Variants in SCAPER observed in about 807,000 individuals in gnomAD.
The protein encoded by SCAPER is S phase cyclin A-associated protein in the endoplasmic reticulum.
Under a neutral mutation model 182.2 loss-of-function variants are expected in SCAPER, and 98 were observed. The ratio of observed to expected loss-of-function variants is 0.54; its 90% CI spans 0.46 to 0.64. The LOEUF (loss-of-function observed/expected upper bound fraction) is 0.64. Among genes scored for constraint, SCAPER ranks in the 30% least tolerant of loss-of-function variants. SCAPER has a pLI of 0.00. For synonymous variants in SCAPER, 605 were observed against 564.6 expected, an observed-to-expected ratio of 1.07 and a Z score of -1.01; for missense variants, 1,432 against 1,690.0, an observed-to-expected ratio of 0.85 and a Z score of 2.68.
At chr15:76,572,391 T>C (rs1235376941) in intron 23 of SCAPER, among the ~76,000 whole-genome samples, 2 of 152,216 alleles carry the variant, frequency 1.3e-5, no homozygotes, top group Non-Finnish European at 2.9e-5. Flanking sequence ...TTCTAGCAAA[T>C]GTGTGACAAG....
chr15:76,373,439 G>GA (rs957915425), intron 29 of SCAPER, among the ~76,000 whole-genome samples: 9 of 150,568 alleles, frequency 6.0e-5, no homozygotes, highest in East Asian at 1.9e-4. Context: ...TGCACATGAA[G>GA]AAAAAAAAAA....
chr15:76,476,178 G>A (rs748875702), intron 24 of SCAPER, among the ~76,000 whole-genome samples: 4 of 152,098 alleles, frequency 2.6e-5, no homozygotes, highest in African/African-American at 4.8e-5. Flanking sequence ...CAGCTTCCTG[G>A]GCATCAAAAA....
rs1412726061 is a variant in SCAPER at position 76,597,527 on chromosome 15, G to A, written c.2712-23243C>T. On this transcript the variant is annotated intron_variant, in intron 22 of 31. Coordinates refer to ENST00000563290, the MANE Select transcript of SCAPER (RefSeq NM_020843.4). ...CCTAAGCAAAAAGAACAAAGCTGGA[G>A]GCATCACACTACCTGACTTCAAACT... is the stretch of plus-strand genomic sequence containing the variant. 1.7e-5 allele frequency among the ~76,000 whole-genome samples: 2 copies of A among 121,002 alleles called. 1 individual carries two copies. The highest frequency in any genetic ancestry group is 1.9e-4 in the Admixed American group (2 of 10,628). The allele number at this position is 121,002 out of a possible 152,430, so 79.4% of individuals were successfully genotyped here. A position where few individuals can be genotyped will look rare whatever the true frequency, so the allele number is the denominator to read the frequency against.
intron 4 of SCAPER, among the ~76,000 whole-genome samples, chr15:76,854,982 A>C (rs1052196859): frequency 2.0e-5 from 3 of 149,414 alleles, no homozygotes; most frequent in Non-Finnish European, 4.5e-5. Context: ...AAAAAAAAAT[A>C]CAAAAAACAA....
chr15:76,470,204 T>G (rs1211245009), intron 25 of SCAPER, among the ~76,000 whole-genome samples: 1 of 152,208 alleles, frequency 6.6e-6, no homozygotes, highest in Admixed American at 6.5e-5. Flanking sequence ...CCAGGTCCTA[T>G]GTTAGAATCT....
At chr15:76,411,710 T>C (rs947979549) in intron 26 of SCAPER, among the ~76,000 whole-genome samples, 2 of 152,170 alleles carry the variant, frequency 1.3e-5, no homozygotes, top group Non-Finnish European at 2.9e-5. Flanking sequence ...TTCTTCAAAG[T>C]GGTCATTTCA....
intron 26 of SCAPER, among the ~76,000 whole-genome samples, chr15:76,423,217 T>C (rs1314114501): frequency 6.6e-6 from 1 of 152,272 alleles, no homozygotes; most frequent in Non-Finnish European, 1.5e-5. Context: ...CTTGTACCTC[T>C]GGTAGAATTC....
intron 23 of SCAPER, among the ~76,000 whole-genome samples, chr15:76,540,957 A>T (rs992215252): frequency 6.6e-6 from 1 of 151,718 alleles, no homozygotes; most frequent in Admixed American, 6.6e-5. Context: ...CCCATCTCTA[A>T]TAAAAATACA....
At chr15:76,613,889 C>A (rs933943976) in intron 22 of SCAPER, among the ~76,000 whole-genome samples, 4 of 152,142 alleles carry the variant, frequency 2.6e-5, no homozygotes, top group Non-Finnish European at 5.9e-5. Context: ...TACCATTCAA[C>A]CCAGCAATCC....
chr15:76,793,129 T>C (rs1466912198), intron 8 of SCAPER: 4 of 685,334 alleles, frequency 5.8e-6, no homozygotes, highest in Admixed American at 3.5e-5. Context: ...ATTAAATGCA[T>C]GTGGTCACTC....
chr15:76,617,788 C>A (rs929703237), intron 22 of SCAPER, among the ~76,000 whole-genome samples: 1 of 152,132 alleles, frequency 6.6e-6, no homozygotes, highest in East Asian at 1.9e-4. Flanking sequence ...TCCAGAAGTT[C>A]AAGAGGAAGG....
intron 22 of SCAPER, among the ~76,000 whole-genome samples, chr15:76,580,711 T>G (rs946034340): frequency 1.3e-5 from 2 of 151,888 alleles, no homozygotes; most frequent in Admixed American, 1.3e-4. Flanking sequence ...ATCAAAGAAG[T>G]AGAAAAACTT....
chr15:76,872,334 C>A (rs2072785902), intron 2 of SCAPER, among the ~76,000 whole-genome samples: 1 of 152,096 alleles, frequency 6.6e-6, no homozygotes, highest in South Asian at 2.1e-4. Context: ...CAGCCAAATT[C>A]TCCCAGAAGC....
At chr15:76,494,500 T>C (rs157765) in intron 24 of SCAPER, among the ~76,000 whole-genome samples, 147,895 of 152,282 alleles carry the variant, frequency 0.97, 71,948 homozygotes, top group South Asian at 1. Flanking sequence ...TAAACAATAT[T>C]TCAGTCTTCC....
chr15:76,840,941 C>T (rs1323545863), intron 5 of SCAPER, among the ~76,000 whole-genome samples: 1 of 152,174 alleles, frequency 6.6e-6, no homozygotes, highest in Non-Finnish European at 1.5e-5. Context: ...CGTTAGCCAT[C>T]AATCTCACTT....
At chr15:76,711,758 T>C (rs2059585072) in intron 17 of SCAPER, among the ~76,000 whole-genome samples, 1 of 152,216 alleles carries the variant, frequency 6.6e-6, no homozygotes, top group African/African-American at 2.4e-5. Flanking sequence ...TCTGTTCATA[T>C]CCTCCCCCCA....
intron 29 of SCAPER, among the ~76,000 whole-genome samples, chr15:76,368,060 A>C (rs2041923442): frequency 6.6e-6 from 1 of 152,216 alleles, no homozygotes; most frequent in East Asian, 1.9e-4. Context: ...ACACAAAGAA[A>C]GGAAATACAG....
At chr15:76,363,212 G>C (rs906306249) in intron 29 of SCAPER, among the ~76,000 whole-genome samples, 1 of 152,206 alleles carries the variant, frequency 6.6e-6, no homozygotes, top group Admixed American at 6.5e-5. Flanking sequence ...TGTATTCCTA[G>C]TATTTGGCAT....
intron 20 of SCAPER, among the ~76,000 whole-genome samples, chr15:76,667,882 G>C (rs767538682): frequency 3.3e-5 from 5 of 151,212 alleles, no homozygotes; most frequent in Non-Finnish European, 5.9e-5. Context: ...AGAACTGCTT[G>C]AACCCAGAAG....
Sources: gnomAD v4.1 joint callset for allele counts (sites outside exome capture counted in the v4.1 genomes callset) on GRCh38, gnomAD v4.1.1 for gene constraint, MANE v1.5 for transcripts, NCBI Gene and HGNC (gene_info 2026-07-23, HGNC 2026-07-21) for gene names.